ABCC1: variants seen among roughly 807,000 people sequenced by gnomAD.
The protein encoded by ABCC1 is ATP binding cassette subfamily C member 1 (ABCC1 blood group).
In ABCC1, 83 loss-of-function variants were observed where a neutral mutation model predicts 172.9. That is an observed-to-expected ratio of 0.48 (90% CI 0.40 to 0.58). The LOEUF (loss-of-function observed/expected upper bound fraction) is 0.58. ABCC1 is among the 20% of genes least tolerant of loss of function. The pLI is 0.00. For synonymous variants in ABCC1, 937 were observed against 825.2 expected (o/e 1.14, Z -2.32); for missense variants, 1,817 against 2,002.7 (o/e 0.91, Z 1.77).
chr16:16,130,960 A>G (rs1454929490), intron 26 of ABCC1, among the ~76,000 whole-genome samples: 3 of 152,118 alleles, frequency 2.0e-5, no homozygotes, highest in African/African-American at 7.2e-5. Flanking sequence ...ATCTCTACTA[A>G]AAATACAAAA....
chr16:16,064,815 A>G (rs2050054304), intron 12 of ABCC1, among the ~76,000 whole-genome samples: 1 of 152,254 alleles, frequency 6.6e-6, no homozygotes, highest in East Asian at 1.9e-4. Context: ...ACTACAGGTA[A>G]TAATCTCCAG....
Position 16,009,796 on chromosome 16 carries a change from G to T in ABCC1, c.246G>T (p.Trp82Cys), listed in dbSNP as rs1446142132. 4.8e-5 allele frequency: 77 copies of T among 1,607,336 alleles called. No homozygotes were observed. The highest frequency in any genetic ancestry group is 5.9e-5 in the Non-Finnish European group (70 of 1,177,320). Residue 82 changes from tryptophan (W) to cysteine (C), a missense_variant, in exon 3 of 31, where the codon TGG (tryptophan) becomes TGT (cysteine). Around this residue, in one of 3 missense-constraint regions of ABCC1, gnomAD observed 398 missense variants for 384.2 expected, o/e 1.04. Transcript: ENST00000399410. ...KTKTALGFLL[W>C]IVCWADLFYS... ...TCCAGGCCTTGGGATTTTTGCTGTG[G>T]ATCGTCTGCTGGGCAGACCTCTTCT...
At chr16:15,968,295 A>G (rs192142210) in intron 1 of ABCC1, among the ~76,000 whole-genome samples, 81 of 152,182 alleles carry the variant, frequency 5.3e-4, no homozygotes, top group African/African-American at 1.9e-3. Flanking sequence ...CGGCCTCCCA[A>G]AGTCCTGGGA....
intron 26 of ABCC1, among the ~76,000 whole-genome samples, chr16:16,130,050 T>A (rs955487573): frequency 1.3e-5 from 2 of 152,238 alleles, no homozygotes; most frequent in Non-Finnish European, 2.9e-5. Flanking sequence ...GCTGTGGGCC[T>A]CAGGAAATGC....
chr16:16,083,230 T>C (rs1056240546), intron 16 of ABCC1, 136 bp from the exon 17 acceptor site: 44 of 872,944 alleles, frequency 5.0e-5, no homozygotes, highest in Non-Finnish European at 7.0e-5. Flanking sequence ...TCAGTTTCCC[T>C]CTTGCCAAAG....
At chr16:16,061,346 G>A (rs1596445276) in intron 12 of ABCC1, among the ~76,000 whole-genome samples, 2 of 152,202 alleles carry the variant, frequency 1.3e-5, no homozygotes, top group East Asian at 1.9e-4. Context: ...GCTGACATTC[G>A]CCAACAGGTC....
intron 12 of ABCC1, among the ~76,000 whole-genome samples, chr16:16,060,500 C>T (rs2049864744): frequency 6.6e-6 from 1 of 152,040 alleles, no homozygotes; most frequent in Non-Finnish European, 1.5e-5. Flanking sequence ...CTTGACTTTA[C>T]CGGGGTGCGT....
At chr16:15,963,917 T>C (rs1360495451) in intron 1 of ABCC1, among the ~76,000 whole-genome samples, 1 of 152,212 alleles carries the variant, frequency 6.6e-6, no homozygotes, top group Non-Finnish European at 1.5e-5. Flanking sequence ...TGGGTTTTTC[T>C]TTTTACATTG....
chr16:16,006,871 C>CGGTGGCGGTGGCGGTGGTGGTGGT (rs1555480299), intron 1 of ABCC1, among the ~76,000 whole-genome samples: 4 of 148,028 alleles, frequency 2.7e-5, no homozygotes, highest in Admixed American at 6.8e-5. Context: ...GTGGCGGTGG[C>CGGTGGCGGTGGCGGTGGTGGTGGT]GGTGGCGGTG....
chr16:16,016,149 GTTTTTTTTTT>G (rs71137903), intron 4 of ABCC1, among the ~76,000 whole-genome samples: 1 of 84,276 alleles, frequency 1.2e-5, no homozygotes, highest in African/African-American at 4.9e-5. Flanking sequence ...TGTGATCTTG[GTTTTTTTTTT>G]TTTTTTTTTT....
chr16:15,993,248 G>A (rs930146056), intron 1 of ABCC1, among the ~76,000 whole-genome samples: 10 of 152,290 alleles, frequency 6.6e-5, no homozygotes, highest in African/African-American at 2.4e-4. Context: ...ATGAATGAAT[G>A]CATGACAGGA....
intron 26 of ABCC1, among the ~76,000 whole-genome samples, chr16:16,128,162 C>CT (rs2045519739): frequency 7.7e-6 from 1 of 129,076 alleles, no homozygotes; most frequent in African/African-American, 2.9e-5. Context: ...CCAGTTAAAG[C>CT]GTTCAGTTAG....
intron 4 of ABCC1, 34 bp downstream of exon 4, chr16:16,014,662 G>T: frequency 6.2e-7 from 1 of 1,610,894 alleles, no homozygotes; most frequent in Non-Finnish European, 8.5e-7. Context: ...TCTTCCTTCA[G>T]TGGACCCGGA....
chr16:15,999,804 T>TC (rs1234008934), intron 1 of ABCC1, among the ~76,000 whole-genome samples: 41 of 31,592 alleles, frequency 1.3e-3, no homozygotes, highest in African/African-American at 2.9e-3. Flanking sequence ...TCTCTCTCTC[T>TC]CTCTCCTCTC....
chr16:16,106,306 A>G lies in ABCC1; in HGVS notation c.2736-432A>G, dbSNP rs533748120. The stretch of plus-strand genomic sequence containing the variant: ...TACTTTGCCCTATGTTTTTCATCAT[A>G]TGTTACATTTTGAATCTTTTTCATG... On this transcript the variant is annotated intron_variant, in intron 20 of 30. Transcript: ENST00000399410. 3.3e-5 allele frequency among the ~76,000 whole-genome samples: 5 copies of G among 150,858 alleles called. No homozygotes were observed. In the East Asian group the frequency reaches 9.8e-4, roughly 30 times the overall value.
intron 12 of ABCC1, among the ~76,000 whole-genome samples, chr16:16,064,640 C>A (rs1304629846): frequency 6.6e-6 from 1 of 152,250 alleles, no homozygotes; most frequent in African/African-American, 2.4e-5. Flanking sequence ...GTTTGCTTCA[C>A]TGCTGAAGAG....
intron 5 of ABCC1, among the ~76,000 whole-genome samples, chr16:16,027,800 G>A (rs1210450632): frequency 3.3e-5 from 5 of 152,098 alleles, no homozygotes; most frequent in Admixed American, 2.0e-4. Flanking sequence ...GTGACAGAGC[G>A]AGACCCTGTC....
chr16:16,101,847 G>A (rs1041733665), intron 19 of ABCC1, among the ~76,000 whole-genome samples: 2 of 152,176 alleles, frequency 1.3e-5, no homozygotes, highest in Non-Finnish European at 2.9e-5. Flanking sequence ...GATGCTGGGT[G>A]GATTCTTCCT....
rs202178564 is a variant in ABCC1 at position 16,112,386 on chromosome 16, A to C, written c.3079+804A>C. Among the ~76,000 whole-genome samples, 6 of 151,470 alleles carry C rather than the reference A, an allele frequency of 4.0e-5. No homozygotes were observed. The East Asian group carries it at 1.2e-3, about 29-fold the overall frequency. On this transcript the variant is annotated intron_variant, in intron 22 of 30. Transcript: ENST00000399410. ...CTCAAAAAATAAACAAAAAAAAAAA[A>C]ACCCTGCTCTATACTGTTCTGTGTG... is the stretch of plus-strand genomic sequence containing the variant.
Sources: allele counts gnomAD v4.1 joint callset (sites outside exome capture counted in the v4.1 genomes callset), GRCh38; gene constraint gnomAD v4.1.1; regional missense constraint gnomAD v4.1.1; transcripts MANE v1.5; gene names NCBI Gene and HGNC (gene_info 2026-07-23, HGNC 2026-07-21).